Variants in BEND7 observed in about 807,000 individuals in gnomAD.
BEND7 encodes BEN domain containing 7, also known as BEN domain-containing protein 7.
In BEND7, 28 loss-of-function variants were observed where a neutral mutation model predicts 50.9. The observed-to-expected ratio is 0.55, with a 90% CI of 0.41 to 0.75. The LOEUF is 0.75. Ranked by LOEUF, BEND7 falls within the 30% of genes least tolerant of loss-of-function variation. The probability of loss-of-function intolerance (pLI) is 0.00; values close to 1 mark genes in which losing one functional copy is unlikely to be tolerated. For synonymous variants in BEND7, 170 were observed against 183.9 expected (o/e 0.92, Z 0.61); for missense variants, 477 against 491.3 (o/e 0.97, Z 0.28).
chr10:13,501,211 C>G (rs1274475821), intron 2 of BEND7, among the ~76,000 whole-genome samples: 1 of 151,706 alleles, frequency 6.6e-6, no homozygotes, highest in East Asian at 1.9e-4. Flanking sequence ...CCTGTCTCTA[C>G]TGAAAATACA....
At chr10:13,493,128 T>A (rs2076788579) in intron 4 of BEND7, among the ~76,000 whole-genome samples, 1 of 152,218 alleles carries the variant, frequency 6.6e-6, no homozygotes, top group African/African-American at 2.4e-5. Context: ...CATACTGCTG[T>A]TGGGTTCAAT....
At chr10:13,466,839 T>C (rs2074297086) in intron 6 of BEND7, among the ~76,000 whole-genome samples, 1 of 152,184 alleles carries the variant, frequency 6.6e-6, no homozygotes, top group South Asian at 2.1e-4. Flanking sequence ...ATATGAATTT[T>C]CAAAGTCATT....
At chr10:13,466,336 C>T (rs747283743) in intron 6 of BEND7, among the ~76,000 whole-genome samples, 13 of 151,566 alleles carry the variant, frequency 8.6e-5, no homozygotes, top group Non-Finnish European at 1.3e-4. Flanking sequence ...CTGAGGTGGG[C>T]GGATCACCTG....
chr10:13,458,776 G>A (rs1441832849), intron 6 of BEND7, among the ~76,000 whole-genome samples: 2 of 152,138 alleles, frequency 1.3e-5, no homozygotes, highest in Non-Finnish European at 2.9e-5. Context: ...TTGCAGCCAG[G>A]GATGTGCAGA....
intron 5 of BEND7, among the ~76,000 whole-genome samples, chr10:13,483,658 T>C (rs2076021892): frequency 6.6e-6 from 1 of 152,176 alleles, no homozygotes; most frequent in African/African-American, 2.4e-5. Flanking sequence ...CCCAGCTGTT[T>C]CAATACCTAC....
chr10:13,496,056 C>CT (rs1376867469), intron 4 of BEND7, among the ~76,000 whole-genome samples: 1 of 152,226 alleles, frequency 6.6e-6, no homozygotes, highest in African/African-American at 2.4e-5. Context: ...GCTTCATGGA[C>CT]TTTAAGACCA....
rs985936680 is a variant in BEND7, at chr10:13,446,983, C to T, written c.1234+283G>A. On this transcript the variant is annotated intron_variant, in intron 8 of 8. Coordinates refer to ENST00000466271, the MANE Select transcript of BEND7 (RefSeq NM_001369863.1). Reference sequence around the variant, plus strand: ...TCACGTTAAAAATATTTTGTAATGTCCAAAGGTTTGGGGAGGCAAAATGTT... The same window carrying T: ...TCACGTTAAAAATATTTTGTAATGTTCAAAGGTTTGGGGAGGCAAAATGTT... 1.8e-5 allele frequency: 8 copies of T among 439,954 alleles called. No individual in the cohort carries two copies. In the South Asian group the frequency reaches 2.3e-4, roughly 13 times the overall value. The allele number at this position is 439,954 out of a possible 1,614,324, so 27.3% of individuals were successfully genotyped here. A position where few individuals can be genotyped will look rare whatever the true frequency, so the allele number is the denominator to read the frequency against.
intron 6 of BEND7, among the ~76,000 whole-genome samples, chr10:13,461,918 G>GA (rs1840291308): frequency 6.6e-6 from 1 of 151,928 alleles, no homozygotes; most frequent in South Asian, 2.1e-4. Flanking sequence ...GATTCTCACA[G>GA]AAAAAAGAAA....
chr10:13,466,796 G>A (rs967180993), intron 6 of BEND7, among the ~76,000 whole-genome samples: 19 of 152,112 alleles, frequency 1.2e-4, no homozygotes, highest in Admixed American at 3.9e-4. Context: ...AAAGTCATGC[G>A]TTTTTCTCTT....
At chr10:13,460,341 T>A (rs553513289) in intron 6 of BEND7, among the ~76,000 whole-genome samples, 28 of 152,260 alleles carry the variant, frequency 1.8e-4, no homozygotes, top group Non-Finnish European at 3.5e-4. Context: ...ACGAGACATC[T>A]TTTTCCTAAG....
chr10:13,497,556 T>C (rs949622697), intron 3 of BEND7, among the ~76,000 whole-genome samples: 5 of 152,198 alleles, frequency 3.3e-5, no homozygotes, highest in Admixed American at 2.0e-4. Context: ...CTTTTCTCCA[T>C]TCCCATGTCT....
rs1224314921 is a variant in BEND7 at position 13,441,518 on chromosome 10, G to T, written c.*225C>A. Reference sequence around the variant, plus strand: ...CACCCCAAGCTGTGGCCCCGCCTTGGAAGGCAGTGCTTCTGAAGGTTCCCA... The same window carrying T: ...CACCCCAAGCTGTGGCCCCGCCTTGTAAGGCAGTGCTTCTGAAGGTTCCCA... On this transcript the variant is annotated 3_prime_UTR_variant, in exon 9 of 9. Transcript: ENST00000466271. 7.2e-7 allele frequency: 1 copy of T among 1,383,062 alleles called. No homozygotes were observed. Among genetic ancestry groups the T allele is most frequent in the Non-Finnish European group, 9.3e-7 (1 of 1,071,474 alleles). The allele number at this position is 1,383,062 out of a possible 1,614,324, so 85.7% of individuals were successfully genotyped here.
At chr10:13,444,579 C>T (rs191392358) in intron 8 of BEND7, 5 of 152,300 alleles carry the variant, frequency 3.3e-5, no homozygotes, top group East Asian at 3.9e-4. Context: ...AGCCCTTGGT[C>T]GATCCTGTGG....
Position 13,526,211 on chromosome 10 carries a change from G to C in BEND7, c.72C>G (p.His24Gln). The change falls in exon 2 of 9, where the codon CAC becomes CAG. Residue 24 changes from histidine to glutamine, a missense_variant. By Grantham distance (24) the His-to-Gln change is conservative. Coordinates refer to ENST00000466271, the MANE Select transcript of BEND7 (RefSeq NM_001369863.1). ...SFKLVSRDYH[H>Q]EVYKIPEFSN... is the part of the protein sequence containing the mutation. ...TGAATTCTGGGATCTTATACACCTC[G>C]TGGTGATAATCTGGCATGAGAAAAC... The C allele has an allele frequency of 7.8e-7, 1 of 1,288,288 alleles. No homozygotes were observed. The highest frequency in any genetic ancestry group is 1.0e-6 in the Non-Finnish European group (1 of 988,302). 79.8% of individuals were successfully genotyped at this position (1,288,288 alleles called of 1,614,324 possible).
intron 8 of BEND7, chr10:13,443,744 T>C (rs558720767): frequency 6.6e-6 from 1 of 152,316 alleles, no homozygotes; most frequent in South Asian, 2.1e-4. Flanking sequence ...AAATAATGCA[T>C]ATGAAGATTT....
intron 2 of BEND7, among the ~76,000 whole-genome samples, chr10:13,506,381 A>C (rs1304089585): frequency 1.3e-5 from 2 of 152,158 alleles, no homozygotes; most frequent in Admixed American, 6.5e-5. Flanking sequence ...CCCCTGGAAG[A>C]AGCTCACAGA....
At chr10:13,500,806 C>G in intron 2 of BEND7, 1 of 985,430 alleles carries the variant, frequency 1.0e-6, no homozygotes, top group Non-Finnish European at 1.2e-6. Context: ...GGGGTCCCTG[C>G]CACTCGAGGT....
chr10:13,463,707 C>A (rs1450965053), intron 6 of BEND7, among the ~76,000 whole-genome samples: 2 of 151,966 alleles, frequency 1.3e-5, no homozygotes, highest in Non-Finnish European at 2.9e-5. Context: ...CACAAAAAGG[C>A]AAAAAGCATG....
At chr10:13,485,819 C>T (rs1564337257) in intron 5 of BEND7, among the ~76,000 whole-genome samples, 1 of 152,200 alleles carries the variant, frequency 6.6e-6, no homozygotes, top group Non-Finnish European at 1.5e-5. Context: ...GTTCCTGTAA[C>T]TCAGGTCTGC....
Sources: gnomAD v4.1 joint callset for allele counts (sites outside exome capture counted in the v4.1 genomes callset) on GRCh38, gnomAD v4.1.1 for gene constraint, MANE v1.5 for transcripts, NCBI Gene and HGNC (gene_info 2026-07-23, HGNC 2026-07-21) for gene names.